Variants in CFTR observed in about 807,000 individuals in gnomAD.
CFTR encodes the protein CF transmembrane conductance regulator.
A neutral mutation model predicts 171.6 loss-of-function variants in CFTR; 181 were observed. The observed-to-expected ratio is 1.05, with a 90% CI of 0.93 to 1.19. The LOEUF (loss-of-function observed/expected upper bound fraction) is 1.19. Among genes scored for constraint, CFTR ranks in the 50% most tolerant of loss-of-function variants. The pLI is 0.00. For synonymous variants in CFTR, 583 were observed against 608.0 expected (o/e 0.96, Z 0.60); for missense variants, 1,968 against 1,734.7 (o/e 1.13, Z -2.39).
intron 3 of CFTR, among the ~76,000 whole-genome samples, chr7:117,526,021 T>C (rs200124255): frequency 1.2e-4 from 18 of 150,044 alleles, no homozygotes; most frequent in African/African-American, 3.5e-4. Flanking sequence ...TGGCTGGTAC[T>C]GGTTGTTCCT....
rs1363652460 is a variant in CFTR, at chr7:117,606,764, A to T, written c.2988+11A>T. 7.1e-7 allele frequency: 1 copy of T among 1,402,700 alleles called. No individual in the cohort carries two copies. The highest frequency in any genetic ancestry group is 2.3e-5 in the East Asian group (1 of 43,828). 86.9% of individuals were successfully genotyped at this position (1,402,700 alleles called of 1,614,324 possible). A position where few individuals can be genotyped will look rare whatever the true frequency, so the allele number is the denominator to read the frequency against. On this transcript the variant is annotated intron_variant, in intron 18 of 26. Transcript: ENST00000003084. Reference sequence around the variant, plus strand: ...TTTGACTTCATCCAGGTATGTAAAAATAAGTACCGTTAAGTATGTCTGTAT... The same window carrying T: ...TTTGACTTCATCCAGGTATGTAAAATTAAGTACCGTTAAGTATGTCTGTAT...
intron 3 of CFTR, among the ~76,000 whole-genome samples, chr7:117,519,234 A>G (rs1798648253): frequency 6.6e-6 from 1 of 152,120 alleles, no homozygotes; most frequent in South Asian, 2.1e-4. Flanking sequence ...GAAATATTTA[A>G]AAACAAACCT....
At chr7:117,572,549 G>A (rs923231431) in intron 11 of CFTR, among the ~76,000 whole-genome samples, 23 of 152,036 alleles carry the variant, frequency 1.5e-4, no homozygotes, top group Non-Finnish European at 2.9e-5. Flanking sequence ...TCAGATACAC[G>A]TTCACATGTA....
At position 117,536,567 on chromosome 7, in the gene CFTR, A is replaced by G. The variant is rs1273710927; in HGVS notation, c.763A>G (p.Ile255Val). The G allele has an allele frequency of 6.3e-7, 1 of 1,597,600 alleles. No individual in the cohort carries two copies. The highest frequency in any genetic ancestry group is 1.7e-5 in the Admixed American group (1 of 58,458). ...MKYRDQRAGK[I>V]SERLVITSEM... ...TTACAGAGATCAGAGAGCTGGGAAG[A>G]TCAGTGAAAGACTTGTGATTACCTC... Residue 255 changes from isoleucine to valine, a missense_variant, in exon 7 of 27, where the codon ATC becomes GTC. Transcript: ENST00000003084.
At position 117,603,783 on chromosome 7, in the gene CFTR, G is replaced by T; in HGVS notation, c.2908+1G>T. 1 of 1,613,514 alleles carries T rather than the reference G, an allele frequency of 6.2e-7. No homozygotes were observed. The highest frequency in any genetic ancestry group is 8.5e-7 in the Non-Finnish European group (1 of 1,179,862). ...TCAACCCTCAACACGTTGAAAGCAG[G>T]TACTTTACTAGGTCTAAGAAATGAA... On this transcript the variant is annotated splice_donor_variant, in intron 17 of 26. Transcript: ENST00000003084. LOFTEE classifies it high-confidence loss of function.
At chr7:117,541,707 C>T (rs762656183) in intron 8 of CFTR, among the ~76,000 whole-genome samples, 1 of 152,074 alleles carries the variant, frequency 6.6e-6, no homozygotes, top group Non-Finnish European at 1.5e-5. Context: ...TTCAGGGTTG[C>T]TTTGTAAATT....
At position 117,587,730 on chromosome 7, in the gene CFTR, T is replaced by C. The variant is rs397508234; in HGVS notation, c.1585-9T>C. On this transcript the variant is annotated splice_polypyrimidine_tract_variant and intron_variant, in intron 11 of 26. Coordinates refer to ENST00000003084, the MANE Select transcript of CFTR (RefSeq NM_000492.4). ...AAGTGACTCTCTAATTTTCTATTTT[T>C]GGTAATAGGACATCTCCAAGTTTGC... 3.9e-6 allele frequency: 6 copies of C among 1,547,872 alleles called. No individual in the cohort carries two copies. The highest frequency in any genetic ancestry group is 5.4e-6 in the Non-Finnish European group (6 of 1,119,792).
chr7:117,545,798 A>AT (rs200318119), intron 9 of CFTR, among the ~76,000 whole-genome samples: 5,712 of 146,520 alleles, frequency 0.039, 142 homozygotes, highest in African/African-American at 0.05. Context: ...ATCATCACTT[A>AT]TTTTTTTTTT....
chr7:117,509,244 A>G (rs373057113), intron 3 of CFTR, 102 bp downstream of exon 3: 30 of 776,024 alleles, frequency 3.9e-5, no homozygotes, highest in East Asian at 1.0e-4. Flanking sequence ...TAAAAATATA[A>G]AGGATGAATC....
intron 18 of CFTR, 102 bp from the exon 19 acceptor site, chr7:117,610,417 A>G: frequency 9.7e-7 from 1 of 1,032,294 alleles, no homozygotes; most frequent in Non-Finnish European, 1.4e-6. Context: ...TGAGGTGTTT[A>G]AAGTATGCAA....
chr7:117,570,961 AAACCACCTATTCT>A (rs1377414025), intron 11 of CFTR, among the ~76,000 whole-genome samples: 1 of 152,226 alleles, frequency 6.6e-6, no homozygotes, highest in Non-Finnish European at 1.5e-5. Context: ...ATATTTGGGA[AAACCACCTATTCT>A]AACACACTTG....
intron 22 of CFTR, among the ~76,000 whole-genome samples, chr7:117,640,138 C>T (rs1391199364): frequency 6.6e-6 from 1 of 152,252 alleles, no homozygotes. Context: ...TAGGGTATGT[C>T]TTAAAAGCTT....
At chr7:117,597,983 G>A (rs971221997) in intron 15 of CFTR, among the ~76,000 whole-genome samples, 3 of 152,174 alleles carry the variant, frequency 2.0e-5, no homozygotes, top group African/African-American at 7.2e-5. Context: ...AGTGGGTGAT[G>A]TGGCTGGGAG....
At chr7:117,576,542 A>G (rs1173641618) in intron 11 of CFTR, among the ~76,000 whole-genome samples, 1 of 152,138 alleles carries the variant, frequency 6.6e-6, no homozygotes, top group Non-Finnish European at 1.5e-5. Flanking sequence ...GCCAAGGCAC[A>G]ACTGTATTTA....
intron 11 of CFTR, among the ~76,000 whole-genome samples, chr7:117,573,617 G>A (rs1051489819): frequency 1.3e-5 from 2 of 152,022 alleles, no homozygotes; most frequent in African/African-American, 4.8e-5. Flanking sequence ...ATTGGTCCAA[G>A]GACCACATAT....
intron 4 of CFTR, among the ~76,000 whole-genome samples, chr7:117,532,652 G>A (rs1183726230): frequency 1.3e-5 from 2 of 152,170 alleles, no homozygotes; most frequent in South Asian, 4.1e-4. Flanking sequence ...ATGTCCATAT[G>A]TAACATTTAG....
intron 11 of CFTR, among the ~76,000 whole-genome samples, chr7:117,561,725 T>C (rs190151409): frequency 1.5e-3 from 226 of 152,118 alleles, no homozygotes; most frequent in Non-Finnish European, 1.8e-3. Flanking sequence ...CTTCGGGAAT[T>C]TGTGGACTAG....
intron 22 of CFTR, among the ~76,000 whole-genome samples, chr7:117,634,186 C>T (rs1196232004): frequency 6.6e-6 from 1 of 152,006 alleles, no homozygotes; most frequent in Non-Finnish European, 1.5e-5. Context: ...TTCAGATTAC[C>T]TATTTTTTCT....
chr7:117,651,757 A>C (rs1421372686), intron 23 of CFTR, among the ~76,000 whole-genome samples: 1 of 152,174 alleles, frequency 6.6e-6, no homozygotes, highest in African/African-American at 2.4e-5. Context: ...CATGATCCTC[A>C]GTAAACTTGG....
Sources: allele counts gnomAD v4.1 joint callset (sites outside exome capture counted in the v4.1 genomes callset), GRCh38; gene constraint gnomAD v4.1.1; transcripts MANE v1.5; gene names NCBI Gene and HGNC (gene_info 2026-07-23, HGNC 2026-07-21).